Variants in OR1L8 observed in about 807,000 individuals in gnomAD.
The protein encoded by OR1L8 is olfactory receptor 1L8.
For missense variants in OR1L8, 330 were observed against 377.4 expected, an observed-to-expected ratio of 0.87 and a Z score of 1.04; for synonymous variants, 148 against 147.0, an observed-to-expected ratio of 1.01 and a Z score of -0.05.
the OR1L8 span, among the ~76,000 whole-genome samples, chr9:122,550,926 A>G: frequency 0.3 from 45,333 of 149,442 alleles, 7,261 homozygotes; most frequent in East Asian, 0.54. Flanking sequence ...CAATCAGGGA[A>G]AAAAAAAAAA....
chr9:122,567,675 G>C lies in OR1L8; in HGVS notation c.803C>G (p.Ala268Gly), dbSNP rs752572892. 1 of 1,614,094 alleles carries C rather than the reference G, an allele frequency of 6.2e-7. No individual in the cohort carries two copies. Among genetic ancestry groups the C allele is most frequent in the Non-Finnish European group, 8.5e-7 (1 of 1,179,966 alleles). ...AATTGTTGCCACGTGGTCCTTGACA[G>C]CGTAGGTGGATGGGGGCTGTAAATA... ...CVYLQPPSTYAVKDHVATIVY... is the reference protein window; with the variant it reads ...CVYLQPPSTYGVKDHVATIVY... The change falls in exon 5 of 5, where the codon GCT becomes GGT. Residue 268 changes from alanine to glycine, a missense_variant. By Grantham distance (60) the Ala-to-Gly change is moderately conservative. Coordinates refer to ENST00000641027, the MANE Select transcript of OR1L8 (RefSeq NM_001004454.2).
chr9:122,557,959 G>T, the OR1L8 span, among the ~76,000 whole-genome samples: 2 of 151,814 alleles, frequency 1.3e-5, no homozygotes, highest in East Asian at 3.9e-4. Flanking sequence ...TCCAAGAATT[G>T]GTCCATTTCA....
chr9:122,569,107 C>A (rs1934924), intron 4 of OR1L8, among the ~76,000 whole-genome samples: 88,373 of 151,956 alleles, frequency 0.58, 26,213 homozygotes, highest in East Asian at 0.97. Context: ...TCTAAGACGA[C>A]TGTTGAACGC....
At chr9:122,579,048 T>TAGAAAGTCATTAAAA (rs1275374938) in intron 1 of OR1L8, among the ~76,000 whole-genome samples, 2 of 150,396 alleles carry the variant, frequency 1.3e-5, no homozygotes, top group African/African-American at 4.9e-5. Flanking sequence ...TAAAAAAAAA[T>TAGAAAGTCATTAAAA]AGAAAGTCAT....
chr9:122,576,519 G>A (rs1396170249), intron 3 of OR1L8, among the ~76,000 whole-genome samples: 1 of 152,038 alleles, frequency 6.6e-6, no homozygotes, highest in Non-Finnish European at 1.5e-5. Context: ...ACAGGCATGA[G>A]CCATTGCACC....
downstream of OR1L8, among the ~76,000 whole-genome samples, chr9:122,563,818 C>A (rs533141631): frequency 6.6e-6 from 1 of 152,230 alleles, no homozygotes; most frequent in African/African-American, 2.4e-5. Flanking sequence ...TCTAGTTATT[C>A]TTTTGCATAC....
At chr9:122,559,452 G>A in the OR1L8 span, among the ~76,000 whole-genome samples, 2 of 151,984 alleles carry the variant, frequency 1.3e-5, no homozygotes, top group Admixed American at 6.6e-5. Flanking sequence ...GCTTTCTCTT[G>A]TGGGCATTTA....
At chr9:122,582,453 C>T (rs1042796575) in intron 1 of OR1L8, among the ~76,000 whole-genome samples, 9 of 152,062 alleles carry the variant, frequency 5.9e-5, no homozygotes, top group East Asian at 1.9e-4. Flanking sequence ...CAGTGGCTCA[C>T]GCTTATAATC....
the OR1L8 span, among the ~76,000 whole-genome samples, chr9:122,555,339 G>C: frequency 2.0e-5 from 3 of 152,252 alleles, no homozygotes; most frequent in South Asian, 2.1e-4. Flanking sequence ...CTCTCCTTCT[G>C]TCCCTTCTCT....
downstream of OR1L8, among the ~76,000 whole-genome samples, chr9:122,562,475 T>C (rs1025868923): frequency 6.6e-6 from 1 of 152,198 alleles, no homozygotes; most frequent in Non-Finnish European, 1.5e-5. Context: ...GATCTTCTGA[T>C]CTGTGGGTTG....
At chr9:122,555,306 A>G in the OR1L8 span, among the ~76,000 whole-genome samples, 8 of 152,260 alleles carry the variant, frequency 5.3e-5, no homozygotes, top group South Asian at 1.0e-3. Context: ...ACTAGCATGC[A>G]TTGCTCTTTG....
downstream of OR1L8, among the ~76,000 whole-genome samples, chr9:122,565,924 A>AGG (rs1829421182): frequency 6.6e-6 from 1 of 152,178 alleles, no homozygotes; most frequent in Non-Finnish European, 1.5e-5. Context: ...GCTTGGAGTA[A>AGG]AGTAGGTGGA....
the OR1L8 span, among the ~76,000 whole-genome samples, chr9:122,557,587 A>G: frequency 6.6e-6 from 1 of 151,988 alleles, no homozygotes; most frequent in Non-Finnish European, 1.5e-5. Context: ...TTCTTTTTGT[A>G]CATTCTTGGA....
At chr9:122,575,003 C>A (rs1215709028) in intron 3 of OR1L8, among the ~76,000 whole-genome samples, 1 of 151,898 alleles carries the variant, frequency 6.6e-6, no homozygotes, top group Non-Finnish European at 1.5e-5. Flanking sequence ...ATTACAATAA[C>A]TGATTTTGGA....
chr9:122,553,559 C>T, the OR1L8 span: 2 of 1,614,120 alleles, frequency 1.2e-6, no homozygotes, highest in South Asian at 1.1e-5. Context: ...TTGACAACTG[C>T]CTGCTGGCTG....
chr9:122,554,283 G>A, the OR1L8 span: 1 of 686,034 alleles, frequency 1.5e-6, no homozygotes, highest in South Asian at 2.1e-5. Context: ...TCTGAGTTAG[G>A]GATGTAAAAA....
At chr9:122,553,128 G>C in the OR1L8 span, 1 of 1,437,422 alleles carries the variant, frequency 7.0e-7, no homozygotes, top group Non-Finnish European at 9.5e-7. Flanking sequence ...TGGCCACACA[G>C]ATGCATATCT....
downstream of OR1L8, among the ~76,000 whole-genome samples, chr9:122,563,165 A>G (rs1256581943): frequency 7.0e-6 from 1 of 142,516 alleles, no homozygotes; most frequent in Non-Finnish European, 1.5e-5. Context: ...CTTTCTCCAC[A>G]TCCTCACTAG....
At chr9:122,578,269 TGAA>T (rs999378515) in intron 2 of OR1L8, 52 bp downstream of exon 2, 3 of 151,990 alleles carry the variant, frequency 2.0e-5, no homozygotes, top group African/African-American at 4.8e-5. Context: ...GCCTACATGG[TGAA>T]ACCCCGTGTC....
Sources: allele counts gnomAD v4.1 joint callset (sites outside exome capture counted in the v4.1 genomes callset), GRCh38; gene constraint gnomAD v4.1.1; transcripts MANE v1.5; gene names NCBI Gene and HGNC (gene_info 2026-07-23, HGNC 2026-07-21).